SYNE1: variants seen among roughly 807,000 people sequenced by gnomAD.
SYNE1 encodes the protein spectrin repeat containing nuclear envelope protein 1.
A neutral mutation model predicts 1,111.0 loss-of-function variants in SYNE1; 616 were observed. That is an observed-to-expected ratio of 0.55 (90% CI 0.52 to 0.59). The LOEUF (loss-of-function observed/expected upper bound fraction) is 0.59. SYNE1 is among the 20% of genes least tolerant of loss of function. SYNE1 has a pLI of 0.00. For missense variants in SYNE1, 10,006 were observed against 10,417.0 expected, an observed-to-expected ratio of 0.96 and a Z score of 1.72; for synonymous variants, 3,855 against 3,825.8, an observed-to-expected ratio of 1.01 and a Z score of -0.28.
chr6:152,381,103 T>C lies in SYNE1; in HGVS notation c.8912A>G (p.Gln2971Arg). ...QVAQLEQALE[Q>R]FSALLKTWAQ... ...CCAGGTTTTCAGAAGGGCACTGAAC[T>C]GTTCCAGGGCCTGCTCCAGTTGAGC... The change falls in exon 56 of 146, where the codon CAG (glutamine) becomes CGG (arginine). Residue 2971 changes from glutamine (Q) to arginine (R), a missense_variant. By Grantham distance (43) the Gln-to-Arg change is conservative. Around this residue, in one of 7 missense-constraint regions of SYNE1, gnomAD observed 4,955 missense variants for 5,017.2 expected, o/e 0.99. Transcript: ENST00000367255. The C allele has an allele frequency of 3.1e-6, 5 of 1,614,238 alleles. No homozygotes were observed. Among genetic ancestry groups the C allele is most frequent in the Non-Finnish European group, 1.7e-6 (2 of 1,180,034 alleles).
chr6:152,458,367 C>T (rs181350406), intron 22 of SYNE1, among the ~76,000 whole-genome samples: 27 of 152,260 alleles, frequency 1.8e-4, no homozygotes, highest in African/African-American at 5.1e-4. Context: ...ATGGCTTACG[C>T]GTGCACACAG....
chr6:152,344,516 A>G (rs904555674), intron 73 of SYNE1, among the ~76,000 whole-genome samples: 3 of 152,252 alleles, frequency 2.0e-5, no homozygotes, highest in African/African-American at 7.2e-5. Context: ...TAGAATACAT[A>G]AAATCATTGA....
intron 107 of SYNE1, among the ~76,000 whole-genome samples, 160 bp from the exon 108 acceptor site, chr6:152,239,866 CT>C (rs1441905145): frequency 3.9e-5 from 6 of 152,166 alleles, no homozygotes; most frequent in African/African-American, 1.4e-4. Flanking sequence ...CAAGACCAGC[CT>C]GGCCAATGTG....
chr6:152,277,580 G>T (rs139667600), intron 98 of SYNE1: 2,100 of 181,542 alleles, frequency 0.012, 54 homozygotes, highest in African/African-American at 0.048. Flanking sequence ...GAGCCACGGC[G>T]CCCTGCCCAC....
intron 4 of SYNE1, among the ~76,000 whole-genome samples, chr6:152,538,224 C>A (rs1006892843): frequency 6.6e-6 from 1 of 152,150 alleles, no homozygotes; most frequent in Non-Finnish European, 1.5e-5. Context: ...AAATATCATA[C>A]AAGTGTTCAA....
At chr6:152,413,090 A>T (rs1180744333) in intron 42 of SYNE1, among the ~76,000 whole-genome samples, 2 of 152,178 alleles carry the variant, frequency 1.3e-5, no homozygotes, top group Non-Finnish European at 2.9e-5. Context: ...ACCTCAGGTG[A>T]TTCGCCTGCC....
At chr6:152,233,301 CCTTTGGGGCAGGG>C (rs2153521747) in intron 112 of SYNE1, among the ~76,000 whole-genome samples, 1 of 151,968 alleles carries the variant, frequency 6.6e-6, no homozygotes, top group South Asian at 2.1e-4. Context: ...AGAGGAAATG[CCTTTGGGGCAGGG>C]CTTTGTAGCG....
intron 74 of SYNE1, among the ~76,000 whole-genome samples, chr6:152,341,961 CAAAA>C (rs145656352): frequency 0.035 from 5,258 of 151,906 alleles, 313 homozygotes; most frequent in African/African-American, 0.12. Context: ...AAAACTAAAA[CAAAA>C]GAAATAACAA....
intron 3 of SYNE1, among the ~76,000 whole-genome samples, chr6:152,621,357 TA>T (rs1195099963): frequency 1.3e-5 from 2 of 152,146 alleles, no homozygotes; most frequent in Non-Finnish European, 2.9e-5. Flanking sequence ...GTAATATGTT[TA>T]AAAAAATTCA....
At chr6:152,429,275 A>G (rs2098405453) in intron 36 of SYNE1, among the ~76,000 whole-genome samples, 1 of 152,074 alleles carries the variant, frequency 6.6e-6, no homozygotes, top group Non-Finnish European at 1.5e-5. Flanking sequence ...TTGCTTTAGG[A>G]AATCTAAATA....
In SYNE1 at chr6:152,447,533, A is replaced by G. The variant is rs749034232; in HGVS notation, c.3594T>C (p.Asn1198=). 2 of 1,614,228 alleles carry G rather than the reference A, an allele frequency of 1.2e-6. No homozygotes were observed. Among genetic ancestry groups the G allele is most frequent in the Non-Finnish European group, 1.7e-6 (2 of 1,180,038 alleles). Residue 1198 remains asparagine, a synonymous_variant, in exon 29 of 146, where the codon AAT becomes AAC. Coordinates refer to ENST00000367255, the MANE Select transcript of SYNE1 (RefSeq NM_182961.4). ...LKVLTEVSSE[N]EAQKQGDELA... The stretch of plus-strand genomic sequence containing the variant: ...GCTCATCTCCCTGCTTTTGGGCTTC[A>G]TTCTCAGAAGAAACTTCTGTCAAAA...
At chr6:152,219,305 T>C (rs1221239962) in intron 119 of SYNE1, 120 bp from the exon 120 acceptor site, 1 of 996,044 alleles carries the variant, frequency 1.0e-6, no homozygotes, top group Non-Finnish European at 1.6e-6. Context: ...ATTATTAGGC[T>C]AAATAAACTT....
At chr6:152,364,197 CT>C (rs2097006267) in intron 63 of SYNE1, among the ~76,000 whole-genome samples, 1 of 152,160 alleles carries the variant, frequency 6.6e-6, no homozygotes, top group African/African-American at 2.4e-5. Flanking sequence ...TTTGCTTCCC[CT>C]TCCGCCACGA....
chr6:152,202,346 C>CAAAAA (rs35563822), intron 126 of SYNE1, among the ~76,000 whole-genome samples: 3 of 48,040 alleles, frequency 6.2e-5, no homozygotes, highest in Non-Finnish European at 1.2e-4. Context: ...GACTCTGTCT[C>CAAAAA]AAAAAAAAAA....
intron 3 of SYNE1, among the ~76,000 whole-genome samples, chr6:152,587,822 T>C (rs899486872): frequency 6.6e-6 from 1 of 152,164 alleles, no homozygotes; most frequent in Non-Finnish European, 1.5e-5. Flanking sequence ...GGATAGCCAT[T>C]AGTAATCACA....
intron 6 of SYNE1, among the ~76,000 whole-genome samples, chr6:152,513,435 T>G (rs530700970): frequency 1.4e-4 from 21 of 152,196 alleles, no homozygotes; most frequent in African/African-American, 4.8e-4. Flanking sequence ...AACCTCCACC[T>G]CCCAGGTTCA....
chr6:152,543,832 TAC>T (rs2099288769), intron 3 of SYNE1, among the ~76,000 whole-genome samples: 1 of 152,226 alleles, frequency 6.6e-6, no homozygotes, highest in African/African-American at 2.4e-5. Flanking sequence ...CAATATTCAG[TAC>T]AGTCACATGC....
chr6:152,318,995 T>A lies in SYNE1; in HGVS notation c.16257A>T (p.Glu5419Asp). The change falls in exon 85 of 146, where the codon GAA becomes GAT. Residue 5419 changes from glutamate (E) to aspartate (D), a missense_variant. Glu to Asp is a conservative substitution (Grantham distance 45). This residue lies in a region of SYNE1 where 4,955 missense variants were observed against 5,017.2 expected (regional missense o/e 0.99). Transcript: ENST00000367255. ...IRDQIQDKIKEVEQSKATSQE... is the reference protein window; with the variant it reads ...IRDQIQDKIKDVEQSKATSQE... ...GGCTCGTGGCCTTGCTCTGCTCAAC[T>A]TCTTTTATTTTGTCTTGGATCTAAA... The A allele has an allele frequency of 6.2e-7, 1 of 1,614,202 alleles. No individual in the cohort carries two copies. Among genetic ancestry groups the A allele is most frequent in the Non-Finnish European group, 8.5e-7 (1 of 1,180,036 alleles).
At chr6:152,312,619 ATAAT>A (rs1038476901) in intron 87 of SYNE1, among the ~76,000 whole-genome samples, 2 of 148,262 alleles carry the variant, frequency 1.3e-5, no homozygotes, top group Admixed American at 1.4e-4. Context: ...ATATTTATTA[ATAAT>A]TTAATTATTT....
Sources: allele counts gnomAD v4.1 joint callset (sites outside exome capture counted in the v4.1 genomes callset), GRCh38; gene constraint gnomAD v4.1.1; regional missense constraint gnomAD v4.1.1; transcripts MANE v1.5; gene names NCBI Gene and HGNC (gene_info 2026-07-23, HGNC 2026-07-21).